The following ZFAND3 variants were observed in gnomAD, a reference collection of about 807,000 sequenced individuals.
The protein encoded by ZFAND3 is AN1-type zinc finger protein 3.
A neutral mutation model predicts 29.6 loss-of-function variants in ZFAND3; 10 were observed. That is an observed-to-expected ratio of 0.34 (90% CI 0.21 to 0.57). The LOEUF is 0.57. ZFAND3 is among the 20% of genes least tolerant of loss of function. ZFAND3 has a pLI of 0.86. For missense variants in ZFAND3, 230 were observed against 304.5 expected, an observed-to-expected ratio of 0.76 and a Z score of 1.82; for synonymous variants, 128 against 112.6, an observed-to-expected ratio of 1.14 and a Z score of -0.87.
At chr6:38,021,590 C>T (rs1019671027) in intron 2 of ZFAND3, among the ~76,000 whole-genome samples, 1 of 152,162 alleles carries the variant, frequency 6.6e-6, no homozygotes, top group African/African-American at 2.4e-5. Flanking sequence ...AATTTTCTTC[C>T]TCTTTTCATG....
intron 2 of ZFAND3, among the ~76,000 whole-genome samples, chr6:38,006,521 A>G (rs759822829): frequency 6.6e-6 from 1 of 152,114 alleles, no homozygotes; most frequent in Non-Finnish European, 1.5e-5. Context: ...ACCTGCTTGC[A>G]TGCAGCTAAG....
intron 4 of ZFAND3, among the ~76,000 whole-genome samples, chr6:38,087,618 A>G (rs1561994225): frequency 6.6e-6 from 1 of 152,232 alleles, no homozygotes; most frequent in Non-Finnish European, 1.5e-5. Context: ...TCAGAGAACT[A>G]CAAATCAAAA....
chr6:37,908,941 T>G (rs1234759129), intron 1 of ZFAND3, among the ~76,000 whole-genome samples: 2 of 152,142 alleles, frequency 1.3e-5, no homozygotes, highest in Non-Finnish European at 2.9e-5. Flanking sequence ...GAGAATGCTT[T>G]AAAAAATAAT....
chr6:37,823,738 A>T (rs1201659629), intron 1 of ZFAND3, among the ~76,000 whole-genome samples: 1 of 152,130 alleles, frequency 6.6e-6, no homozygotes, highest in Non-Finnish European at 1.5e-5. Context: ...GTTGAATATT[A>T]ACCAGTTGAT....
chr6:38,054,018 A>G (rs1764084388), intron 2 of ZFAND3, among the ~76,000 whole-genome samples: 1 of 151,912 alleles, frequency 6.6e-6, no homozygotes, highest in African/African-American at 2.4e-5. Context: ...GGAGTCATTT[A>G]TCATCATTAG....
At chr6:38,048,911 T>A (rs1763964352) in intron 2 of ZFAND3, among the ~76,000 whole-genome samples, 6 of 152,214 alleles carry the variant, frequency 3.9e-5, no homozygotes, top group Admixed American at 3.9e-4. Flanking sequence ...TAATGCAGTT[T>A]TCAAAACTTT....
intron 1 of ZFAND3, among the ~76,000 whole-genome samples, chr6:37,860,982 G>A (rs887453839): frequency 6.6e-6 from 1 of 152,058 alleles, no homozygotes; most frequent in Admixed American, 6.6e-5. Flanking sequence ...GCATAAGGCC[G>A]GGCGTGGTGG....
chr6:37,841,559 C>CT (rs928697482), intron 1 of ZFAND3, among the ~76,000 whole-genome samples: 50 of 152,306 alleles, frequency 3.3e-4, no homozygotes, highest in African/African-American at 1.2e-3. Flanking sequence ...ACTTGGCTCA[C>CT]TGCAAGCTCT....
intron 5 of ZFAND3, among the ~76,000 whole-genome samples, chr6:38,129,705 C>T (rs1300732124): frequency 6.6e-6 from 1 of 151,882 alleles, no homozygotes; most frequent in African/African-American, 2.4e-5. Flanking sequence ...ATTACTATGC[C>T]GTTTTGGTGA....
chr6:37,965,866 A>G (rs1762282973), intron 2 of ZFAND3, among the ~76,000 whole-genome samples: 1 of 152,070 alleles, frequency 6.6e-6, no homozygotes, highest in Non-Finnish European at 1.5e-5. Context: ...GGGTTCAGGT[A>G]ACCTTCCCAC....
At chr6:38,011,205 A>T (rs986279925) in intron 2 of ZFAND3, among the ~76,000 whole-genome samples, 4 of 152,044 alleles carry the variant, frequency 2.6e-5, no homozygotes, top group African/African-American at 9.7e-5. Context: ...TGTTGAGCTG[A>T]TGGATATTTG....
At chr6:38,049,979 G>C (rs1207076362) in intron 2 of ZFAND3, among the ~76,000 whole-genome samples, 2 of 112,596 alleles carry the variant, frequency 1.8e-5, no homozygotes, top group African/African-American at 3.4e-5. Flanking sequence ...GGGGGAGACA[G>C]AGTCTCTCTC....
chr6:37,861,855 T>G (rs1450402524), intron 1 of ZFAND3, among the ~76,000 whole-genome samples: 1 of 152,252 alleles, frequency 6.6e-6, no homozygotes, highest in South Asian at 2.1e-4. Context: ...TCACTGTTTT[T>G]AGAGCCTTGT....
intron 2 of ZFAND3, among the ~76,000 whole-genome samples, chr6:38,046,128 A>T (rs1280634113): frequency 6.6e-6 from 1 of 152,222 alleles, no homozygotes; most frequent in East Asian, 1.9e-4. Flanking sequence ...GTCAGAATTA[A>T]TGGTAAGCAC....
rs573263074 is a variant in ZFAND3 at position 37,872,260 on chromosome 6, A to G, written c.71+52244A>G. ...CAATGCAATTCCCATTTTCCGGTGCAGACTCACAGTTTCTGCCTGGTTTTG... is the reference window on the plus strand; with the variant it reads ...CAATGCAATTCCCATTTTCCGGTGCGGACTCACAGTTTCTGCCTGGTTTTG... On this transcript the variant is annotated intron_variant, in intron 1 of 5. Transcript: ENST00000287218. Among the ~76,000 whole-genome samples the G allele has an allele frequency of 1.3e-5, 2 of 152,240 alleles. 1 individual carries two copies. The highest frequency in any genetic ancestry group is 3.8e-4 in the East Asian group (2 of 5,204).
intron 2 of ZFAND3, among the ~76,000 whole-genome samples, chr6:38,053,386 A>T (rs976584195): frequency 1.3e-5 from 2 of 152,020 alleles, no homozygotes; most frequent in Admixed American, 6.6e-5. Context: ...AAAGATTTCA[A>T]TTAAGATGTT....
At chr6:37,956,861 A>G (rs1762093243) in intron 2 of ZFAND3, among the ~76,000 whole-genome samples, 1 of 152,168 alleles carries the variant, frequency 6.6e-6, no homozygotes, top group Non-Finnish European at 1.5e-5. Context: ...AGAGAGGGAA[A>G]GCGTGGGAAG....
chr6:38,134,744 T>C (rs1338328615), intron 5 of ZFAND3, among the ~76,000 whole-genome samples: 1 of 152,208 alleles, frequency 6.6e-6, no homozygotes, highest in South Asian at 2.1e-4. Flanking sequence ...CAGCCCTTAC[T>C]CCTCAGCTGC....
chr6:37,822,494 C>T (rs940452028), intron 1 of ZFAND3, among the ~76,000 whole-genome samples: 1 of 152,162 alleles, frequency 6.6e-6, no homozygotes, highest in African/African-American at 2.4e-5. Context: ...GGGCCACATT[C>T]ATATTTTGTT....
Sources: allele counts gnomAD v4.1 joint callset (sites outside exome capture counted in the v4.1 genomes callset), GRCh38; gene constraint gnomAD v4.1.1; transcripts MANE v1.5; gene names NCBI Gene and HGNC (gene_info 2026-07-23, HGNC 2026-07-21).